The following KCNAB1 variants were observed in gnomAD, a reference collection of about 807,000 sequenced individuals.
The protein encoded by KCNAB1 is potassium voltage-gated channel subfamily A regulatory beta subunit 1.
KCNAB1 carries 35 observed loss-of-function variants against 64.6 expected under a neutral mutation model. The observed-to-expected ratio is 0.54, with a 90% CI of 0.41 to 0.72. KCNAB1 has a LOEUF of 0.72. KCNAB1 is among the 30% of genes least tolerant of loss of function. KCNAB1 has a pLI of 0.00. For synonymous variants in KCNAB1, 177 were observed against 183.8 expected (o/e 0.96, Z 0.30); for missense variants, 401 against 512.9 (o/e 0.78, Z 2.11).
At chr3:156,237,643 A>G (rs1716926957) in intron 1 of KCNAB1, among the ~76,000 whole-genome samples, 2 of 152,190 alleles carry the variant, frequency 1.3e-5, no homozygotes, top group Non-Finnish European at 2.9e-5. Context: ...GCCTTTGCAC[A>G]TGTGCTTTCC....
At chr3:156,439,376 T>C (rs971368285) in intron 2 of KCNAB1, among the ~76,000 whole-genome samples, 2 of 152,132 alleles carry the variant, frequency 1.3e-5, no homozygotes, top group Non-Finnish European at 2.9e-5. Flanking sequence ...AACTTACCTT[T>C]CAGAATTGTT....
At chr3:156,389,625 A>T (rs1464561204) in intron 1 of KCNAB1, among the ~76,000 whole-genome samples, 4 of 152,194 alleles carry the variant, frequency 2.6e-5, no homozygotes, top group African/African-American at 9.6e-5. Flanking sequence ...AATCAGAAAT[A>T]CTGGGATTGA....
In KCNAB1 at chr3:156,311,017, A is replaced by C. The variant is rs6778159; in HGVS notation, c.276-110599A>C. ...TTCATTTTCTTGGATCAACACTATA[A>C]GCAGGTGCAAGTGAAAGAGGAGATG... On this transcript the variant is annotated intron_variant, in intron 1 of 13. Transcript: ENST00000490337. Among the ~76,000 whole-genome samples, 794 of 152,244 alleles carry C rather than the reference A, an allele frequency of 5.2e-3. 9 individuals are homozygous for C. The highest frequency in any genetic ancestry group is 0.018 in the African/African-American group (760 of 41,532).
chr3:156,119,788 G>A (rs959501870), upstream of KCNAB1, among the ~76,000 whole-genome samples: 1 of 152,166 alleles, frequency 6.6e-6, no homozygotes, highest in Non-Finnish European at 1.5e-5. Context: ...CCATCAGCTT[G>A]GCTTTCTTTG....
At chr3:156,538,858 C>T (rs529108298), downstream of KCNAB1, 1 of 152,330 alleles carries the variant, frequency 6.6e-6, no homozygotes, top group East Asian at 1.9e-4. Flanking sequence ...TACCATTTCT[C>T]ACTGGGTTTT....
At chr3:156,160,177 A>T (rs1042268817) in intron 1 of KCNAB1, among the ~76,000 whole-genome samples, 7 of 152,336 alleles carry the variant, frequency 4.6e-5, no homozygotes, top group East Asian at 3.9e-4. Context: ...TTGAAGGCCC[A>T]AGAGCTAGGG....
chr3:156,393,433 G>A (rs989216329), intron 1 of KCNAB1, among the ~76,000 whole-genome samples: 1 of 152,070 alleles, frequency 6.6e-6, no homozygotes, highest in Admixed American at 6.6e-5. Flanking sequence ...AATGCCACCT[G>A]ACTGCCAGGT....
chr3:156,358,518 A>G (rs1028716820), intron 1 of KCNAB1, among the ~76,000 whole-genome samples: 1 of 152,140 alleles, frequency 6.6e-6, no homozygotes, highest in African/African-American at 2.4e-5. Context: ...CCTCCCAATC[A>G]CTGCAAACAG....
rs140739670 is a variant in KCNAB1, at chr3:156,202,534, A to T, written c.275+81648A>T. ...TCTTTCTGGCTGTGTCTAGTCAGCC[A>T]TCTTGGAGCAGGAATCCCTGGCATT... On this transcript the variant is annotated intron_variant, in intron 1 of 13. Transcript: ENST00000490337. 2.3e-3 allele frequency among the ~76,000 whole-genome samples: 348 copies of T among 152,272 alleles called. 1 individual carries two copies. The highest frequency in any genetic ancestry group is 4.4e-3 in the Admixed American group (67 of 15,294).
At chr3:156,490,308 G>A (rs1289201567) in intron 8 of KCNAB1, among the ~76,000 whole-genome samples, 1 of 152,030 alleles carries the variant, frequency 6.6e-6, no homozygotes, top group Non-Finnish European at 1.5e-5. Context: ...TGGCACTAGT[G>A]GACAAACACC....
chr3:156,251,163 A>G (rs1340212109), intron 1 of KCNAB1, among the ~76,000 whole-genome samples: 1 of 152,242 alleles, frequency 6.6e-6, no homozygotes. Context: ...AGCAAAGAGA[A>G]TACTTGAGTA....
At chr3:156,131,520 G>A (rs1405246406) in intron 1 of KCNAB1, among the ~76,000 whole-genome samples, 2 of 152,222 alleles carry the variant, frequency 1.3e-5, no homozygotes, top group African/African-American at 4.8e-5. Flanking sequence ...TGAATAGGCT[G>A]TAGGTGAATG....
In KCNAB1 at chr3:156,508,547, T is replaced by C. The variant is rs572157577; in HGVS notation, c.659-5817T>C. Among the ~76,000 whole-genome samples, 12 of 152,356 alleles carry C rather than the reference T, an allele frequency of 7.9e-5. No individual in the cohort carries two copies. Among genetic ancestry groups the C allele is most frequent in the African/African-American group, 1.7e-4 (7 of 41,586 alleles). ...CATAAAATGCATATTTTTTAAAACA[T>C]TGATGGCCTACATTACTGAAACAAC... On this transcript the variant is annotated intron_variant, in intron 8 of 13. Coordinates refer to ENST00000490337, the MANE Select transcript of KCNAB1 (RefSeq NM_172160.3). This position sits in a 1 kb window ranked among gnomAD's most constrained non-coding sequence, Gnocchi z 4.1.
chr3:156,342,605 T>TTTTTTTTTTTTTTTTG (rs1724207032), intron 1 of KCNAB1, among the ~76,000 whole-genome samples: 1 of 124,372 alleles, frequency 8.0e-6, no homozygotes, highest in African/African-American at 4.0e-5. Context: ...TTTTTTTTTT[T>TTTTTTTTTTTTTTTTG]TTAATTTTTT....
chr3:156,351,221 A>G (rs1724837878), intron 1 of KCNAB1, among the ~76,000 whole-genome samples: 1 of 152,272 alleles, frequency 6.6e-6, no homozygotes, highest in Admixed American at 6.5e-5. Context: ...CGCTGAATCC[A>G]TCAGGGCAGG....
At chr3:156,136,505 C>T (rs1010271975) in intron 1 of KCNAB1, among the ~76,000 whole-genome samples, 1 of 152,196 alleles carries the variant, frequency 6.6e-6, no homozygotes, top group African/African-American at 2.4e-5. Context: ...CAGCACCCTG[C>T]AAGCATTACT....
chr3:156,222,068 C>T (rs1715803281), intron 1 of KCNAB1, among the ~76,000 whole-genome samples: 1 of 152,046 alleles, frequency 6.6e-6, no homozygotes, highest in African/African-American at 2.4e-5. Context: ...AGAATAGTAC[C>T]TCACATTTCA....
intron 1 of KCNAB1, among the ~76,000 whole-genome samples, chr3:156,279,612 A>T (rs1309265091): frequency 6.6e-6 from 1 of 151,824 alleles, no homozygotes; most frequent in Admixed American, 6.6e-5. Context: ...ATTTCTCCAC[A>T]TCCTCTCCAG....
intron 1 of KCNAB1, 97 bp downstream of exon 1, chr3:156,120,983 A>G: frequency 7.0e-7 from 1 of 1,429,224 alleles, no homozygotes; most frequent in South Asian, 1.3e-5. Context: ...TGGAAGTCTT[A>G]ACGGCTCTAA....
Sources: gnomAD v4.1 joint callset for allele counts (sites outside exome capture counted in the v4.1 genomes callset) on GRCh38, gnomAD v4.1.1 for gene constraint, Gnocchi (gnomAD v3.1) non-coding constraint, MANE v1.5 for transcripts, NCBI Gene and HGNC (gene_info 2026-07-23, HGNC 2026-07-21) for gene names.